The following FGFR2 variants were observed in gnomAD, a reference collection of about 807,000 sequenced individuals.
FGFR2 encodes fibroblast growth factor receptor 2, also known as BEK fibroblast growth factor receptor.
A neutral mutation model predicts 95.9 loss-of-function variants in FGFR2; 19 were observed. The observed-to-expected ratio is 0.20, with a 90% CI of 0.14 to 0.29. The LOEUF is 0.29. Ranked by LOEUF, FGFR2 falls within the 10% of genes least tolerant of loss-of-function variation. The pLI is 1.00. For synonymous variants in FGFR2, 392 were observed against 393.3 expected (o/e 1.00, Z 0.04); for missense variants, 707 against 1,056.9 (o/e 0.67, Z 4.59).
In FGFR2 at chr10:121,517,083, G is replaced by A; in HGVS notation, c.1084+236C>T. The A allele has an allele frequency of 5.3e-6, 3 of 569,020 alleles. No individual in the cohort carries two copies. The highest frequency in any genetic ancestry group is 2.0e-5 in the South Asian group (1 of 49,906). 35.2% of individuals were successfully genotyped at this position (569,020 alleles called of 1,614,324 possible). On this transcript the variant is annotated intron_variant, in intron 8 of 17. Coordinates refer to ENST00000358487, the MANE Select transcript of FGFR2 (RefSeq NM_000141.5). The surrounding 1 kb of genome is among the most constrained non-coding windows in gnomAD (Gnocchi z 4.7). ...TGGCTCAATGACTCACTAAAAATAT[G>A]AGATCCCTTCAGGTTTTAAGGGTGA...
At chr10:121,551,832 G>A (rs1232993664) in intron 4 of FGFR2, among the ~76,000 whole-genome samples, 1 of 151,962 alleles carries the variant, frequency 6.6e-6, no homozygotes, top group Non-Finnish European at 1.5e-5. Context: ...AGATCATTTT[G>A]GATTGCCACA....
chr10:121,543,811 CG>C (rs1300874685), intron 5 of FGFR2, among the ~76,000 whole-genome samples: 2 of 152,140 alleles, frequency 1.3e-5, no homozygotes, highest in Non-Finnish European at 2.9e-5. Flanking sequence ...TCCCTCTGCT[CG>C]GTAAACAACC....
Position 121,487,366 on chromosome 10 carries a change from T to G in FGFR2, c.2045A>C (p.His682Pro). Residue 682 changes from histidine (H) to proline (P), a missense_variant, in exon 15 of 18, where the codon CAT becomes CCT. By Grantham distance (77) the His-to-Pro change is moderately conservative. Transcript: ENST00000358487. Reference protein sequence around the residue: ...PEALFDRVYTHQSDVWSFGVL... With the variant: ...PEALFDRVYTPQSDVWSFGVL... ...GAGAGTTACTCACACATCACTCTGA[T>G]GAGTGTATACTCTATCAAACAGGGC... 6.2e-7 allele frequency: 1 copy of G among 1,613,802 alleles called. No individual in the cohort carries two copies. The highest frequency in any genetic ancestry group is 8.5e-7 in the Non-Finnish European group (1 of 1,179,652).
intron 2 of FGFR2, among the ~76,000 whole-genome samples, chr10:121,571,164 A>AT (rs45631564): frequency 0.12 from 18,284 of 147,658 alleles, 1,839 homozygotes; most frequent in African/African-American, 0.28. Context: ...AATTTTTGGT[A>AT]TTTTTTTTAG....
intron 12 of FGFR2, 93 bp from the exon 13 acceptor site, chr10:121,496,815 C>CT (rs372610391): frequency 0.039 from 33,911 of 864,354 alleles, 15 homozygotes; most frequent in East Asian, 0.1. Context: ...ACAACCCATG[C>CT]TTTTTTTTTT....
intron 9 of FGFR2, among the ~76,000 whole-genome samples, chr10:121,513,106 T>G (rs190214526): frequency 6.6e-6 from 1 of 152,174 alleles, no homozygotes; most frequent in Non-Finnish European, 1.5e-5. Context: ...ACTCCTGACC[T>G]CGGGTGATCC....
intron 12 of FGFR2, among the ~76,000 whole-genome samples, chr10:121,497,131 A>AG (rs1491222146): frequency 5.0e-4 from 7 of 14,026 alleles, no homozygotes; most frequent in African/African-American, 5.6e-4. Context: ...ACTTTGTCTC[A>AG]AAAAAAAAAA....
intron 9 of FGFR2, among the ~76,000 whole-genome samples, chr10:121,509,504 TTTTTTG>T (rs1169551237): frequency 6.4e-5 from 5 of 78,190 alleles, no homozygotes; most frequent in Non-Finnish European, 8.0e-5. Context: ...TTTTTTTTTT[TTTTTTG>T]GTTTGAGACA....
rs1406447945 is a variant in FGFR2, at chr10:121,497,145, A to T, written c.1673-423T>A. Among the ~76,000 whole-genome samples the T allele has an allele frequency of 4.0e-5, 6 of 151,170 alleles. No individual in the cohort carries two copies. The South Asian group carries it at 1.2e-3, about 31-fold the overall frequency. On this transcript the variant is annotated intron_variant, in intron 12 of 17. Coordinates refer to ENST00000358487, the MANE Select transcript of FGFR2 (RefSeq NM_000141.5). Reference sequence around the variant, plus strand: ...GACTTTGTCTCAAAAAAAAAAAAAAAAAAAGAAGAAGAAAAAAGAAAAAGT... The same window carrying T: ...GACTTTGTCTCAAAAAAAAAAAAAATAAAAGAAGAAGAAAAAAGAAAAAGT...
At chr10:121,555,171 G>A (rs904581961) in intron 4 of FGFR2, among the ~76,000 whole-genome samples, 2 of 152,140 alleles carry the variant, frequency 1.3e-5, no homozygotes, top group South Asian at 2.1e-4. Flanking sequence ...TCAGGAGTCC[G>A]AGACCAGCCT....
chr10:121,503,901 G>A lies in FGFR2; in HGVS notation c.1328C>T (p.Pro443Leu), dbSNP rs757125418. ...GAGGCGTGTTGTTATCCTCACCAGCGGGGTGTTGGAGTTCATGGAGGAGCT... is the reference window on the plus strand; with the variant it reads ...GAGGCGTGTTGTTATCCTCACCAGCAGGGTGTTGGAGTTCATGGAGGAGCT... ...ESSSSMNSNT[P>L]LVRITTRLSS... The change falls in exon 10 of 18, where the codon CCG becomes CTG. Residue 443 changes from proline (P) to leucine (L), a missense_variant. Around this residue, in one of 7 missense-constraint regions of FGFR2, gnomAD observed 194 missense variants for 267.3 expected, o/e 0.73. Coordinates refer to ENST00000358487, the MANE Select transcript of FGFR2 (RefSeq NM_000141.5). 1.8e-5 allele frequency: 29 copies of A among 1,613,938 alleles called. No homozygotes were observed. The highest frequency in any genetic ancestry group is 1.6e-4 in the Middle Eastern group (1 of 6,084).
At chr10:121,560,802 G>C (rs1210019931) in intron 4 of FGFR2, among the ~76,000 whole-genome samples, 1 of 152,050 alleles carries the variant, frequency 6.6e-6, no homozygotes, top group African/African-American at 2.4e-5. Flanking sequence ...ATTCAGGGCA[G>C]ACCTCCACGT....
chr10:121,563,981 TG>T (rs1857318739), intron 4 of FGFR2, among the ~76,000 whole-genome samples: 1 of 152,216 alleles, frequency 6.6e-6, no homozygotes, highest in South Asian at 2.1e-4. Flanking sequence ...ATTGACATCT[TG>T]GACCAGATAA....
At position 121,511,530 on chromosome 10, in the gene FGFR2, A is replaced by T. The variant is rs149332788; in HGVS notation, c.1287+3587T>A. On this transcript the variant is annotated intron_variant, in intron 9 of 17. Transcript: ENST00000358487. ...TCACAAAGGCTGCTTCACACTGGTCACTGGCTGTCCAGCATACCTGTACCA... is the reference window on the plus strand; with the variant it reads ...TCACAAAGGCTGCTTCACACTGGTCTCTGGCTGTCCAGCATACCTGTACCA... Among the ~76,000 whole-genome samples the T allele has an allele frequency of 6.2e-3, 950 of 152,244 alleles. 9 individuals carry two copies. The highest frequency in any genetic ancestry group is 0.022 in the African/African-American group (923 of 41,562).
chr10:121,497,915 T>C (rs1847091917), intron 12 of FGFR2, among the ~76,000 whole-genome samples: 1 of 152,232 alleles, frequency 6.6e-6, no homozygotes, highest in Admixed American at 6.5e-5. Flanking sequence ...GAGAAATTGC[T>C]AAGTCAAAGA....
At chr10:121,524,912 G>A (rs186616556) in intron 6 of FGFR2, among the ~76,000 whole-genome samples, 23 of 152,266 alleles carry the variant, frequency 1.5e-4, no homozygotes, top group African/African-American at 5.3e-4. Flanking sequence ...AGAATCCCCT[G>A]ATGTATTATC....
At position 121,519,395 on chromosome 10, in the gene FGFR2, G is replaced by A. The variant is rs574984026; in HGVS notation, c.939+584C>T. On this transcript the variant is annotated intron_variant, in intron 7 of 17. Coordinates refer to ENST00000358487, the MANE Select transcript of FGFR2 (RefSeq NM_000141.5). ...ATTTTCCTTGTTCAACATTTCACTG[G>A]TGCAGAAATATGACCTAGAGTTTAT... is the stretch of plus-strand genomic sequence containing the variant. Among the ~76,000 whole-genome samples the A allele has an allele frequency of 2.0e-5, 3 of 152,218 alleles. No homozygotes were observed. The South Asian group carries it at 6.2e-4, about 32-fold the overall frequency.
chr10:121,502,187 C>T (rs951414460), intron 10 of FGFR2, among the ~76,000 whole-genome samples: 17 of 152,176 alleles, frequency 1.1e-4, no homozygotes, highest in African/African-American at 3.9e-4. Flanking sequence ...CTCCCCAGTT[C>T]AGTTATATAT....
intron 6 of FGFR2, among the ~76,000 whole-genome samples, chr10:121,533,780 T>C (rs1324905700): frequency 6.6e-6 from 1 of 152,162 alleles, no homozygotes; most frequent in Non-Finnish European, 1.5e-5. Context: ...GGAGCATTCA[T>C]ACAGATAGGC....
Sources: gnomAD v4.1 joint callset for allele counts (sites outside exome capture counted in the v4.1 genomes callset) on GRCh38, gnomAD v4.1.1 for gene constraint, gnomAD v4.1.1 regional missense constraint, Gnocchi (gnomAD v3.1) non-coding constraint, MANE v1.5 for transcripts, NCBI Gene and HGNC (gene_info 2026-07-23, HGNC 2026-07-21) for gene names.